NALF1: variants seen among roughly 807,000 people sequenced by gnomAD.
NALF1 encodes NALCN channel auxiliary factor 1, also known as family with sequence similarity 155 member A.
Under a neutral mutation model 48.4 loss-of-function variants are expected in NALF1, and 3 were observed. That is an observed-to-expected ratio of 0.06 (90% confidence interval 0.03 to 0.16). NALF1 has a LOEUF of 0.16. Ranked by LOEUF, NALF1 falls within the 10% of genes least tolerant of loss-of-function variation. The pLI is 1.00. For missense variants in NALF1, 526 were observed against 571.5 expected (o/e 0.92, Z 0.81); for synonymous variants, 262 against 245.7 (o/e 1.07, Z -0.62).
intron 1 of NALF1, among the ~76,000 whole-genome samples, chr13:107,247,123 T>C (rs1880601585): frequency 6.6e-6 from 1 of 152,182 alleles, no homozygotes; most frequent in Non-Finnish European, 1.5e-5. Context: ...TTTTTATCAC[T>C]TTGGATTAAC....
chr13:107,499,303 T>C (rs1397893778), intron 1 of NALF1, among the ~76,000 whole-genome samples: 2 of 152,304 alleles, frequency 1.3e-5, no homozygotes, highest in Admixed American at 1.3e-4. Context: ...CTATTAGAAC[T>C]AAATCCCTGT....
chr13:107,611,289 G>T (rs2138432374), intron 1 of NALF1, among the ~76,000 whole-genome samples: 1 of 152,244 alleles, frequency 6.6e-6, no homozygotes, highest in East Asian at 1.9e-4. Context: ...CAGTACTAAA[G>T]TTCCTCAAAA....
intron 1 of NALF1, among the ~76,000 whole-genome samples, chr13:107,672,364 A>G (rs1881011954): frequency 6.6e-6 from 1 of 152,200 alleles, no homozygotes; most frequent in Non-Finnish European, 1.5e-5. Context: ...ATTGTCTTAG[A>G]ATGCTGCGGT....
intron 1 of NALF1, among the ~76,000 whole-genome samples, chr13:107,832,142 C>T (rs1879752151): frequency 6.6e-6 from 1 of 151,990 alleles, no homozygotes; most frequent in Non-Finnish European, 1.5e-5. Context: ...ATTTTCCAAG[C>T]ACTTTATCCT....
chr13:107,618,828 G>A (rs572792114), intron 1 of NALF1, among the ~76,000 whole-genome samples: 1 of 152,282 alleles, frequency 6.6e-6, no homozygotes, highest in Non-Finnish European at 1.5e-5. Context: ...GTCTGCAGGG[G>A]TGGAAAGGAA....
In NALF1 at chr13:107,358,166, A is replaced by ATG. The variant is rs1491390261; in HGVS notation, c.916-147412_916-147411insCA. On this transcript the variant is annotated intron_variant, in intron 1 of 2. Transcript: ENST00000375915. ...TTTATACCTATTTTATATACGTAAC[A>ATG]TATGTGTGTGTGTGTGTGTGTGTGT... 1.2e-3 allele frequency among the ~76,000 whole-genome samples: 144 copies of ATG among 121,720 alleles called. 3 individuals are homozygous for ATG. In the South Asian group the frequency reaches 0.015, roughly 13 times the overall value. 79.9% of individuals were successfully genotyped at this position (121,720 alleles called of 152,430 possible). A position where few individuals can be genotyped will look rare whatever the true frequency, so the allele number is the denominator to read the frequency against.
At chr13:107,235,918 C>T (rs1358915284) in intron 1 of NALF1, among the ~76,000 whole-genome samples, 1 of 152,146 alleles carries the variant, frequency 6.6e-6, no homozygotes, top group Admixed American at 6.5e-5. Flanking sequence ...TATCATCTCC[C>T]ATGTTTTGGG....
At chr13:107,795,387 AT>A (rs560066650) in intron 1 of NALF1, among the ~76,000 whole-genome samples, 3 of 151,004 alleles carry the variant, frequency 2.0e-5, no homozygotes, top group East Asian at 1.9e-4. Context: ...GTTAGGTGCT[AT>A]TTTTTTTTCA....
intron 1 of NALF1, among the ~76,000 whole-genome samples, chr13:107,262,769 GCTCTCTCTCT>G (rs1555329321): frequency 1.1e-4 from 16 of 144,036 alleles, no homozygotes; most frequent in Non-Finnish European, 2.1e-4. Context: ...ACCCACAGGC[GCTCTCTCTCT>G]CTCTCTCTCT....
At chr13:107,709,556 G>T (rs533623384) in intron 1 of NALF1, among the ~76,000 whole-genome samples, 2 of 152,300 alleles carry the variant, frequency 1.3e-5, no homozygotes, top group African/African-American at 4.8e-5. Context: ...AGTCTAGATT[G>T]CAACCATATC....
intron 1 of NALF1, among the ~76,000 whole-genome samples, chr13:107,846,841 T>G (rs1398210275): frequency 6.6e-6 from 1 of 152,282 alleles, no homozygotes; most frequent in East Asian, 1.9e-4. Context: ...AAATGAGATT[T>G]AGACAGATGA....
chr13:107,825,838 T>A (rs2138621755), intron 1 of NALF1, among the ~76,000 whole-genome samples: 1 of 152,310 alleles, frequency 6.6e-6, no homozygotes, highest in African/African-American at 2.4e-5. Flanking sequence ...TGGAGTGCAA[T>A]GGCAACATCT....
At chr13:107,569,941 C>T (rs1877937282) in intron 1 of NALF1, among the ~76,000 whole-genome samples, 1 of 151,754 alleles carries the variant, frequency 6.6e-6, no homozygotes, top group South Asian at 2.1e-4. Context: ...GTTTTATTTT[C>T]CTTTGAAAAA....
chr13:107,302,232 C>T (rs1881851506), intron 1 of NALF1, among the ~76,000 whole-genome samples: 1 of 152,174 alleles, frequency 6.6e-6, no homozygotes, highest in South Asian at 2.1e-4. Flanking sequence ...AGGATTCCCA[C>T]CAGACGCAGT....
At chr13:107,653,589 AT>A (rs1246638861) in intron 1 of NALF1, among the ~76,000 whole-genome samples, 2 of 151,960 alleles carry the variant, frequency 1.3e-5, no homozygotes, top group Admixed American at 6.6e-5. Flanking sequence ...ACCTCTTCAT[AT>A]AGATAGGCCA....
intron 1 of NALF1, among the ~76,000 whole-genome samples, chr13:107,644,642 C>T (rs373584544): frequency 2.6e-3 from 239 of 92,146 alleles, no homozygotes; most frequent in East Asian, 0.013. Context: ...TACATACATA[C>T]ATACATATAT....
chr13:107,706,984 G>A lies in NALF1; in HGVS notation c.915+158698C>T, dbSNP rs1456510420. Among the ~76,000 whole-genome samples, 2 of 129,856 alleles carry A rather than the reference G, an allele frequency of 1.5e-5. 1 individual carries two copies. The allele number at this position is 129,856 out of a possible 152,430, so 85.2% of individuals were successfully genotyped here. On this transcript the variant is annotated intron_variant, in intron 1 of 2. Coordinates refer to ENST00000375915, the MANE Select transcript of NALF1 (RefSeq NM_001080396.3). ...GTCGCCCAGGCTGGAGTGCAGTGGC[G>A]TGATCTCGGCTCACTGCAAGCTCCG...
intron 1 of NALF1, among the ~76,000 whole-genome samples, chr13:107,439,108 A>G (rs1454884176): frequency 6.6e-6 from 1 of 152,100 alleles, no homozygotes; most frequent in African/African-American, 2.4e-5. Context: ...TATTATATAT[A>G]TTTAATGCTT....
rs75970232 is a variant in NALF1 at position 107,345,278 on chromosome 13, T to A, written c.916-134523A>T. Among the ~76,000 whole-genome samples, 387 of 152,292 alleles carry A rather than the reference T, an allele frequency of 2.5e-3. 5 individuals carry two copies. The highest frequency in any genetic ancestry group is 8.7e-3 in the African/African-American group (361 of 41,580). ...ATGCAATTTCTATCAAAATCTCAAT[T>A]GCATTTTTTACAGAAACAGAAAAAA... On this transcript the variant is annotated intron_variant, in intron 1 of 2. Coordinates refer to ENST00000375915, the MANE Select transcript of NALF1 (RefSeq NM_001080396.3).
Sources: gnomAD v4.1 joint callset for allele counts (sites outside exome capture counted in the v4.1 genomes callset) on GRCh38, gnomAD v4.1.1 for gene constraint, MANE v1.5 for transcripts, NCBI Gene and HGNC (gene_info 2026-07-23, HGNC 2026-07-21) for gene names.